The following ZSCAN4 variants were observed in gnomAD, a reference collection of about 807,000 sequenced individuals.
The protein encoded by ZSCAN4 is zinc finger and SCAN domain containing 4.
In ZSCAN4, 18 loss-of-function variants were observed where a neutral mutation model predicts 18.3. The observed-to-expected ratio is 0.98, with a 90% CI of 0.68 to 1.46. ZSCAN4 has a LOEUF of 1.46. Among genes scored for constraint, ZSCAN4 ranks in the 40% most tolerant of loss-of-function variants. The probability of loss-of-function intolerance (pLI) is 0.00; values close to 1 mark genes in which losing one functional copy is unlikely to be tolerated. For synonymous variants in ZSCAN4, 193 were observed against 180.3 expected (o/e 1.07, Z -0.57); for missense variants, 498 against 511.4 (o/e 0.97, Z 0.25).
chr19:57,669,695 G>A (rs1054409735), intron 1 of ZSCAN4, among the ~76,000 whole-genome samples: 2 of 151,286 alleles, frequency 1.3e-5, no homozygotes, highest in South Asian at 2.1e-4. Flanking sequence ...AAAGTGCTGG[G>A]ATTACAGGCA....
the ZSCAN4 span, among the ~76,000 whole-genome samples, chr19:57,660,947 C>T: frequency 1.6e-3 from 250 of 152,250 alleles, no homozygotes; most frequent in Non-Finnish European, 3.0e-3. Flanking sequence ...CTAGTTACTA[C>T]GATTTTTGAA....
exon 5 of ZSCAN4, chr19:57,678,991 C>T (rs1984282417): frequency 7.3e-7 from 1 of 1,368,536 alleles, no homozygotes; most frequent in Admixed American, 2.6e-5. Flanking sequence ...AAGATATAAT[C>T]TCCTGATTAT....
At position 57,678,500 on chromosome 19, in the gene ZSCAN4, G is replaced by A. The variant is rs1286156144; in HGVS notation, c.897G>A (p.Glu299=). Residue 299 remains glutamate (E), a synonymous_variant, in exon 5 of 5, where the codon GAG becomes GAA. Transcript: ENST00000318203. ...GCAATGAGGGAAATTCCACATGTGA[G>A]GTACATCAGAAAGGATCCCATGGAG... 5 of 1,614,030 alleles carry A rather than the reference G, an allele frequency of 3.1e-6. No individual in the cohort carries two copies. In the South Asian group the frequency reaches 5.5e-5, roughly 18 times the overall value.
chr19:57,656,832 A>T, the ZSCAN4 span, among the ~76,000 whole-genome samples: 1 of 151,998 alleles, frequency 6.6e-6, no homozygotes, highest in Non-Finnish European at 1.5e-5. Flanking sequence ...TACAAAAATT[A>T]GCTAATAAGC....
chr19:57,672,439 T>C (rs1199332159), intron 2 of ZSCAN4, among the ~76,000 whole-genome samples: 1 of 152,190 alleles, frequency 6.6e-6, no homozygotes, highest in Admixed American at 6.5e-5. Context: ...CATTCACTTC[T>C]TTCTCTTTTT....
intron 2 of ZSCAN4, among the ~76,000 whole-genome samples, chr19:57,671,050 C>T (rs73064597): frequency 0.17 from 25,647 of 151,822 alleles, 2,242 homozygotes; most frequent in East Asian, 0.26. Flanking sequence ...TTTGTAGAGG[C>T]AGGATTTTGC....
the ZSCAN4 span, among the ~76,000 whole-genome samples, chr19:57,660,307 C>T: frequency 1.1e-4 from 16 of 152,292 alleles, no homozygotes; most frequent in African/African-American, 3.8e-4. Context: ...TGTCTATATG[C>T]CACAGATAAA....
At chr19:57,663,519 C>CAAAA in the ZSCAN4 span, among the ~76,000 whole-genome samples, 15 of 18,314 alleles carry the variant, frequency 8.2e-4, no homozygotes, top group African/African-American at 3.0e-3. Context: ...AACCATGTCT[C>CAAAA]TAAAAAAAAA....
At chr19:57,677,976 C>T in exon 4 of ZSCAN4, 1 of 1,600,784 alleles carries the variant, frequency 6.2e-7, no homozygotes, top group African/African-American at 1.3e-5. Flanking sequence ...TAAGAGATGT[C>T]ATTGTTCATC....
chr19:57,677,979 T>C, exon 4 of ZSCAN4: 1 of 1,601,318 alleles, frequency 6.2e-7, no homozygotes, highest in Non-Finnish European at 8.5e-7. Flanking sequence ...GAGATGTCAT[T>C]GTTCATCTCA....
At chr19:57,657,186 G>T in the ZSCAN4 span, among the ~76,000 whole-genome samples, 1 of 151,406 alleles carries the variant, frequency 6.6e-6, no homozygotes, top group African/African-American at 2.4e-5. Context: ...AACCCGGGAG[G>T]CAGAGGTTGC....
At chr19:57,675,512 C>T (rs1984156235) in intron 2 of ZSCAN4, among the ~76,000 whole-genome samples, 1 of 152,126 alleles carries the variant, frequency 6.6e-6, no homozygotes, top group Non-Finnish European at 1.5e-5. Flanking sequence ...GAACTCCTGA[C>T]CTCAAGTGAT....
At chr19:57,668,191 A>G (rs1286813154), upstream of ZSCAN4, among the ~76,000 whole-genome samples, 1 of 152,120 alleles carries the variant, frequency 6.6e-6, no homozygotes, top group African/African-American at 2.4e-5. Context: ...GGCATGAGCC[A>G]CTGCGCCCAG....
the ZSCAN4 span, among the ~76,000 whole-genome samples, chr19:57,661,691 G>C: frequency 6.6e-6 from 1 of 152,130 alleles, no homozygotes; most frequent in Non-Finnish European, 1.5e-5. Context: ...ATGCTATTGA[G>C]GTAAAAGTGA....
the ZSCAN4 span, among the ~76,000 whole-genome samples, chr19:57,652,398 T>C: frequency 2.6e-5 from 4 of 152,190 alleles, no homozygotes; most frequent in African/African-American, 9.7e-5. Context: ...ATTCAGGCCT[T>C]TGTTTATCTC....
chr19:57,677,390 T>C (rs1433243262), intron 3 of ZSCAN4, among the ~76,000 whole-genome samples: 1 of 151,228 alleles, frequency 6.6e-6, no homozygotes, highest in Non-Finnish European at 1.5e-5. Context: ...TGTAAATAAG[T>C]GTCCTTTTCA....
the ZSCAN4 span, among the ~76,000 whole-genome samples, chr19:57,658,445 C>G: frequency 6.6e-6 from 1 of 152,162 alleles, no homozygotes; most frequent in African/African-American, 2.4e-5. Flanking sequence ...AAATTATACA[C>G]TGGAAATTGG....
intron 3 of ZSCAN4, 62 bp downstream of exon 3, chr19:57,676,603 T>C: frequency 6.6e-7 from 1 of 1,519,774 alleles, no homozygotes; most frequent in Non-Finnish European, 8.8e-7. Flanking sequence ...TAAATCACAG[T>C]CAGTTAGAGT....
At chr19:57,664,202 A>C (rs1000170822), upstream of ZSCAN4, 1 of 130,190 alleles carries the variant, frequency 7.7e-6, no homozygotes, top group Non-Finnish European at 1.6e-5. Context: ...GACGAGAGGA[A>C]GGGAGGAAGG....
Sources: gnomAD v4.1 joint callset for allele counts (sites outside exome capture counted in the v4.1 genomes callset) on GRCh38, gnomAD v4.1.1 for gene constraint, MANE v1.5 for transcripts, NCBI Gene and HGNC (gene_info 2026-07-23, HGNC 2026-07-21) for gene names.